The following NCAPH variants were observed in gnomAD, a reference collection of about 807,000 sequenced individuals.
NCAPH encodes non-SMC condensin I complex subunit H.
NCAPH carries 38 observed loss-of-function variants against 85.5 expected under a neutral mutation model. That is an observed-to-expected ratio of 0.44 (90% CI 0.34 to 0.58). The LOEUF (loss-of-function observed/expected upper bound fraction) is 0.58, where lower values mean the gene tolerates loss of function less well. Ranked by LOEUF, NCAPH falls within the 20% of genes least tolerant of loss-of-function variation. NCAPH has a pLI of 0.01. For missense variants in NCAPH, 789 were observed against 916.6 expected, an observed-to-expected ratio of 0.86 and a Z score of 1.80; for synonymous variants, 301 against 335.1, an observed-to-expected ratio of 0.90 and a Z score of 1.11.
intron 17 of NCAPH, among the ~76,000 whole-genome samples, chr2:96,371,531 C>A (rs982490744): frequency 6.6e-6 from 1 of 152,170 alleles, no homozygotes; most frequent in Non-Finnish European, 1.5e-5. Context: ...GCTGCTCCGA[C>A]TCCAGCTCTG....
rs569949699 is a variant in NCAPH, at chr2:96,376,044, T to C, written c.*2693T>C. Among the ~76,000 whole-genome samples the C allele has an allele frequency of 3.3e-5, 5 of 152,320 alleles. No homozygotes were observed. In the South Asian group the frequency reaches 8.3e-4, roughly 25 times the overall value. On this transcript the variant is annotated 3_prime_UTR_variant, in exon 18 of 18. Coordinates refer to ENST00000240423, the MANE Select transcript of NCAPH (RefSeq NM_015341.5). ...TTACCCAGTTTCAGGTATTCTGTTA[T>C]AGGTAACAGAAAACAAACTAATACA... is the stretch of plus-strand genomic sequence containing the variant.
chr2:96,352,078 A>G (rs997141650), intron 7 of NCAPH, 58 bp downstream of exon 7: 23 of 1,482,898 alleles, frequency 1.6e-5, no homozygotes, highest in African/African-American at 2.8e-5. Context: ...ATTTTTTTAC[A>G]TAACCATGGG....
At chr2:96,366,295 A>G (rs1320982844) in intron 14 of NCAPH, among the ~76,000 whole-genome samples, 1 of 152,228 alleles carries the variant, frequency 6.6e-6, no homozygotes, top group Non-Finnish European at 1.5e-5. Flanking sequence ...GGTCACCCAA[A>G]TAAGGCATAT....
intron 9 of NCAPH, among the ~76,000 whole-genome samples, chr2:96,356,014 G>A (rs1354410101): frequency 6.6e-6 from 1 of 152,206 alleles, no homozygotes; most frequent in Non-Finnish European, 1.5e-5. Context: ...TCAGAGAAAA[G>A]CTATCACTTT....
At position 96,375,598 on chromosome 2, in the gene NCAPH, T is replaced by G. The variant is rs910702897; in HGVS notation, c.*2247T>G. ...TCTCAGCCTCTAGAACTGTGAACAA[T>G]AAATCTATTGTTTATAAATTAAGCA... On this transcript the variant is annotated 3_prime_UTR_variant, in exon 18 of 18. Transcript: ENST00000240423. Among the ~76,000 whole-genome samples, 1 of 152,216 alleles carries G rather than the reference T, an allele frequency of 6.6e-6. No individual in the cohort carries two copies. Among genetic ancestry groups the G allele is most frequent in the Admixed American group, 6.5e-5 (1 of 15,276 alleles).
At chr2:96,341,447 A>C in intron 1 of NCAPH, 195 bp from the exon 2 acceptor site, 1 of 622,698 alleles carries the variant, frequency 1.6e-6, no homozygotes, top group Non-Finnish European at 2.7e-6. Context: ...ACAAAGAAGC[A>C]TCAGAAACCT....
In NCAPH at chr2:96,341,736, G is replaced by A; in HGVS notation, c.114G>A (p.Leu38=). The change falls in exon 2 of 18, where the codon CTG becomes CTA. Residue 38 remains leucine, a synonymous_variant. Transcript: ENST00000240423. The stretch of plus-strand genomic sequence containing the variant: ...CAGAGCGTGTGTTCCCGATGCCCCT[G>A]CCCAGGAAGGCGCCTCTCAATATTC... The part of the protein sequence containing the change: ...SPSERVFPMP[L]PRKAPLNIPG... 6.2e-7 allele frequency: 1 copy of A among 1,614,156 alleles called. No individual in the cohort carries two copies. Among genetic ancestry groups the A allele is most frequent in the Non-Finnish European group, 8.5e-7 (1 of 1,180,038 alleles).
chr2:96,362,558 A>G (rs1037169475), intron 12 of NCAPH, among the ~76,000 whole-genome samples: 2 of 150,766 alleles, frequency 1.3e-5, no homozygotes, highest in Non-Finnish European at 3.0e-5. Context: ...GGAACCCAAG[A>G]GGTGGAGGTT....
At chr2:96,366,091 T>C (rs759934797) in intron 14 of NCAPH, 33 bp downstream of exon 14, 1 of 1,605,392 alleles carries the variant, frequency 6.2e-7, no homozygotes, top group South Asian at 1.1e-5. Flanking sequence ...TTACATTGTT[T>C]GCCTGAAATC....
At chr2:96,370,855 C>G (rs1282358104) in intron 17 of NCAPH, among the ~76,000 whole-genome samples, 1 of 152,148 alleles carries the variant, frequency 6.6e-6, no homozygotes, top group Non-Finnish European at 1.5e-5. Flanking sequence ...GATTGTGCAT[C>G]AGAGCCCTTG....
intron 12 of NCAPH, 145 bp from the exon 13 acceptor site, chr2:96,364,334 TAG>T (rs2064665786): frequency 1.8e-6 from 1 of 567,298 alleles, no homozygotes. Flanking sequence ...AAAAGTCTGT[TAG>T]ACTTAGATGA....
chr2:96,340,780 G>A (rs1200524454), intron 1 of NCAPH, among the ~76,000 whole-genome samples: 1 of 148,732 alleles, frequency 6.7e-6, no homozygotes, highest in African/African-American at 2.5e-5. Context: ...TACCATGTCC[G>A]GCCTTTTTTT....
chr2:96,361,751 T>G (rs1243288865), intron 12 of NCAPH, among the ~76,000 whole-genome samples: 21 of 114,088 alleles, frequency 1.8e-4, no homozygotes, highest in Non-Finnish European at 3.4e-4. Context: ...ATTTTAATGA[T>G]ATATATATAT....
At chr2:96,368,581 C>T (rs997697375) in intron 15 of NCAPH, among the ~76,000 whole-genome samples, 6 of 152,194 alleles carry the variant, frequency 3.9e-5, no homozygotes, top group Admixed American at 3.3e-4. Flanking sequence ...TGCCTGAACC[C>T]GGGAGGTGGA....
intron 12 of NCAPH, among the ~76,000 whole-genome samples, chr2:96,362,678 G>A (rs1288938900): frequency 6.6e-6 from 1 of 152,212 alleles, no homozygotes; most frequent in South Asian, 2.1e-4. Flanking sequence ...GTATGCAGAT[G>A]TGGTAGAAAT....
chr2:96,351,064 T>C (rs541633981), intron 6 of NCAPH, among the ~76,000 whole-genome samples: 3 of 152,348 alleles, frequency 2.0e-5, no homozygotes, highest in Admixed American at 2.0e-4. Context: ...CCCAGCCAGC[T>C]AGCCCTACTG....
chr2:96,346,822 A>G (rs1436730248), intron 6 of NCAPH, among the ~76,000 whole-genome samples: 1 of 151,986 alleles, frequency 6.6e-6, no homozygotes, highest in Non-Finnish European at 1.5e-5. Flanking sequence ...GGGTCTTACT[A>G]GGCTGTCTTG....
In NCAPH at chr2:96,352,038, C is replaced by T; in HGVS notation, c.910+18C>T. ...TTTAAAAGGTAAGTACAAGTGATGC[C>T]TTTCACCAGAGCATTTCAGTCATTG... On this transcript the variant is annotated intron_variant, in intron 7 of 17. Transcript: ENST00000240423. 2 of 1,587,856 alleles carry T rather than the reference C, an allele frequency of 1.3e-6. No homozygotes were observed. Among genetic ancestry groups the T allele is most frequent in the Non-Finnish European group, 1.7e-6 (2 of 1,165,480 alleles).
At chr2:96,337,547 G>C (rs2064231303) in intron 1 of NCAPH, among the ~76,000 whole-genome samples, 1 of 152,046 alleles carries the variant, frequency 6.6e-6, no homozygotes, top group South Asian at 2.1e-4. Context: ...AGCCTCCCGA[G>C]TAGCTGGGAC....
Sources: gnomAD v4.1 joint callset for allele counts (sites outside exome capture counted in the v4.1 genomes callset) on GRCh38, gnomAD v4.1.1 for gene constraint, MANE v1.5 for transcripts, NCBI Gene and HGNC (gene_info 2026-07-23, HGNC 2026-07-21) for gene names.